TNC: variants seen among roughly 807,000 people sequenced by gnomAD.
TNC encodes the protein tenascin.
A neutral mutation model predicts 202.4 loss-of-function variants in TNC; 109 were observed. That is an observed-to-expected ratio of 0.54 (90% confidence interval 0.46 to 0.63). TNC has a LOEUF of 0.63. Ranked by LOEUF, TNC falls within the 30% of genes least tolerant of loss-of-function variation. The pLI is 0.00. For missense variants in TNC, 2,756 were observed against 2,833.3 expected, an observed-to-expected ratio of 0.97 and a Z score of 0.62; for synonymous variants, 1,007 against 1,089.7, an observed-to-expected ratio of 0.92 and a Z score of 1.50.
At chr9:115,069,089 C>T (rs1268752720) in intron 10 of TNC, among the ~76,000 whole-genome samples, 2 of 152,162 alleles carry the variant, frequency 1.3e-5, no homozygotes, top group African/African-American at 4.8e-5. Flanking sequence ...TAAATATTTG[C>T]TGGATGAATA....
At chr9:115,051,600 G>C (rs2132273795) in intron 15 of TNC, among the ~76,000 whole-genome samples, 1 of 150,126 alleles carries the variant, frequency 6.7e-6, no homozygotes, top group South Asian at 2.1e-4. Context: ...AGAAAAAAAG[G>C]AGACAGGAAT....
intron 1 of TNC, among the ~76,000 whole-genome samples, chr9:115,111,249 G>A (rs80142753): frequency 0.013 from 1,961 of 152,120 alleles, 37 homozygotes; most frequent in African/African-American, 0.045. Flanking sequence ...ATTCTCATAC[G>A]TGTGCAATTA....
chr9:115,069,318 C>T (rs535037884), intron 10 of TNC, among the ~76,000 whole-genome samples: 1 of 152,224 alleles, frequency 6.6e-6, no homozygotes, highest in African/African-American at 2.4e-5. Flanking sequence ...TGCCTCCTGT[C>T]TCTTATGGCA....
intron 2 of TNC, 94 bp from the exon 3 acceptor site, chr9:115,087,367 G>A: frequency 7.8e-7 from 1 of 1,288,532 alleles, no homozygotes; most frequent in South Asian, 1.4e-5. Flanking sequence ...TCAGCTGAAG[G>A]ACGGTTGCAC....
intron 3 of TNC, among the ~76,000 whole-genome samples, 171 bp from the exon 4 acceptor site, chr9:115,084,643 T>G (rs546392690): frequency 6.6e-6 from 1 of 152,326 alleles, no homozygotes; most frequent in African/African-American, 2.4e-5. Flanking sequence ...TCTTAAGACC[T>G]GTGGTGGCTG....
chr9:115,076,548 C>G lies in TNC; in HGVS notation c.2702G>C (p.Arg901Pro), dbSNP rs907335676. 1.2e-6 allele frequency: 2 copies of G among 1,614,176 alleles called. No individual in the cohort carries two copies. The highest frequency in any genetic ancestry group is 1.7e-6 in the Non-Finnish European group (2 of 1,180,038). Residue 901 changes from arginine (R) to proline (P), a missense_variant, in exon 8 of 28, where the codon CGT becomes CCT. This residue lies in a region of TNC where 2,559 missense variants were observed against 2,546.0 expected (regional missense o/e 1.01). Coordinates refer to ENST00000350763, the MANE Select transcript of TNC (RefSeq NM_002160.4). ...GATGCTGTTATCTGTCTGGGAAACACGTCGAAGATTCCTGGGAGCATCGAG... is the reference window on the plus strand; with the variant it reads ...GATGCTGTTATCTGTCTGGGAAACAGGTCGAAGATTCCTGGGAGCATCGAG... ...TGLDAPRNLR[R>P]VSQTDNSITL...
At chr9:115,041,193 C>A in intron 18 of TNC, 109 bp from the exon 19 acceptor site, 1 of 1,248,764 alleles carries the variant, frequency 8.0e-7, no homozygotes. Flanking sequence ...ATATCTTCAT[C>A]AAACACCACT....
chr9:115,046,802 G>T, intron 16 of TNC, 120 bp from the exon 17 acceptor site: 1 of 1,176,658 alleles, frequency 8.5e-7, no homozygotes, highest in Non-Finnish European at 1.2e-6. Context: ...AGAGATAGAA[G>T]TGTCCTGAGA....
intron 16 of TNC, 32 bp from the exon 17 acceptor site, chr9:115,046,714 G>C: frequency 6.2e-7 from 1 of 1,609,328 alleles, no homozygotes; most frequent in Non-Finnish European, 8.5e-7. Flanking sequence ...GGAGAAGGAG[G>C]AAAGACAACA....
chr9:115,039,009 G>A (rs1460776615), intron 19 of TNC, among the ~76,000 whole-genome samples: 1 of 152,104 alleles, frequency 6.6e-6, no homozygotes. Flanking sequence ...TGTATTTTCA[G>A]TAGAGATGGG....
chr9:115,061,934 C>T (rs1457902893), intron 13 of TNC, among the ~76,000 whole-genome samples: 1 of 152,154 alleles, frequency 6.6e-6, no homozygotes, highest in African/African-American at 2.4e-5. Context: ...AATGTCCCTG[C>T]TTTTTGTATC....
intron 1 of TNC, among the ~76,000 whole-genome samples, chr9:115,095,495 T>C (rs1290375308): frequency 6.3e-5 from 2 of 31,708 alleles, no homozygotes; most frequent in East Asian, 1.9e-3. Context: ...TATATATGTA[T>C]ATATATGTAT....
chr9:115,100,187 C>T (rs1313127159), intron 1 of TNC, among the ~76,000 whole-genome samples: 2 of 152,158 alleles, frequency 1.3e-5, no homozygotes, highest in East Asian at 3.9e-4. Flanking sequence ...CCCAGCTTCT[C>T]AGTACTTTCC....
chr9:115,108,526 A>T (rs934495871), intron 1 of TNC, among the ~76,000 whole-genome samples: 2 of 151,918 alleles, frequency 1.3e-5, no homozygotes, highest in Non-Finnish European at 2.9e-5. Flanking sequence ...CTAAAAGAGC[A>T]CTCCTCTCAC....
At position 115,086,270 on chromosome 9, in the gene TNC, A is replaced by G; in HGVS notation, c.1461T>C (p.Cys487=). The G allele has an allele frequency of 6.2e-7, 1 of 1,614,208 alleles. No individual in the cohort carries two copies. The highest frequency in any genetic ancestry group is 8.5e-7 in the Non-Finnish European group (1 of 1,180,040). The change falls in exon 3 of 28, where the codon TGT becomes TGC. Residue 487 remains cysteine, a synonymous_variant. Coordinates refer to ENST00000350763, the MANE Select transcript of TNC (RefSeq NM_002160.4). ...HGRCVNGMCV[C]DDGYTGEDCR... is the part of the protein sequence containing the mutation. ...AGTCTTCCCCTGTGTAGCCGTCATCACAAACACACATGCCATTCACACAGC... is the reference window on the plus strand; with the variant it reads ...AGTCTTCCCCTGTGTAGCCGTCATCGCAAACACACATGCCATTCACACAGC...
intron 2 of TNC, among the ~76,000 whole-genome samples, chr9:115,089,680 A>G (rs1835067345): frequency 6.6e-6 from 1 of 152,090 alleles, no homozygotes; most frequent in Non-Finnish European, 1.5e-5. Context: ...TTGTATTTTT[A>G]GTAGAGATGG....
rs748652880 is a variant in TNC, at chr9:115,021,242, C to T, written c.6521G>A (p.Gly2174Asp). The T allele has an allele frequency of 2.3e-5, 37 of 1,612,640 alleles. No homozygotes were observed. The highest frequency in any genetic ancestry group is 3.1e-5 in the Non-Finnish European group (36 of 1,179,678). Residue 2174 changes from glycine (G) to aspartate (D), a missense_variant, in exon 28 of 28, where the codon GGC (glycine) becomes GAC (aspartate). Coordinates refer to ENST00000350763, the MANE Select transcript of TNC (RefSeq NM_002160.4). ...AGCAAACTGGATTGAGTGTTCGTGGCCCTTCCAGTGGAACCAGTTAACGCC... is the reference window on the plus strand; with the variant it reads ...AGCAAACTGGATTGAGTGTTCGTGGTCCTTCCAGTGGAACCAGTTAACGCC... ...SQGVNWFHWK[G>D]HEHSIQFAEM... is the part of the protein sequence containing the mutation.
intron 4 of TNC, 135 bp downstream of exon 4, chr9:115,084,074 G>T (rs762805198): frequency 2.0e-4 from 185 of 941,026 alleles, no homozygotes; most frequent in Non-Finnish European, 2.8e-4. Context: ...TGATTCTATG[G>T]ACTTAATTCT....
chr9:115,032,047 T>C (rs532784919), intron 22 of TNC, among the ~76,000 whole-genome samples: 36 of 152,364 alleles, frequency 2.4e-4, no homozygotes, highest in Admixed American at 5.9e-4. Flanking sequence ...TAATGGTTAA[T>C]TTTATGTGTT....
Sources: gnomAD v4.1 joint callset for allele counts (sites outside exome capture counted in the v4.1 genomes callset) on GRCh38, gnomAD v4.1.1 for gene constraint, gnomAD v4.1.1 regional missense constraint, MANE v1.5 for transcripts, NCBI Gene and HGNC (gene_info 2026-07-23, HGNC 2026-07-21) for gene names.